Variants in PACS1 observed in about 807,000 individuals in gnomAD.
PACS1 encodes the protein PACS-1.
Under a neutral mutation model 115.0 loss-of-function variants are expected in PACS1, and 24 were observed. The observed-to-expected ratio is 0.21, with a 90% CI of 0.15 to 0.29. The LOEUF is 0.29. Ranked by LOEUF, PACS1 falls within the 10% of genes least tolerant of loss-of-function variation. The pLI is 1.00. For missense variants in PACS1, 838 were observed against 1,251.2 expected (o/e 0.67, Z 4.98); for synonymous variants, 453 against 504.5 (o/e 0.90, Z 1.37).
chr11:66,079,175 C>T (rs755608518), intron 1 of PACS1, among the ~76,000 whole-genome samples: 2 of 152,234 alleles, frequency 1.3e-5, no homozygotes, highest in Admixed American at 6.5e-5. Flanking sequence ...GCGTGAGCCA[C>T]CGCCCAGCCT....
At chr11:66,154,154 G>A (rs1486086546) in intron 1 of PACS1, among the ~76,000 whole-genome samples, 1 of 152,236 alleles carries the variant, frequency 6.6e-6, no homozygotes, top group East Asian at 1.9e-4. Context: ...TCAAAATACT[G>A]AACCAGGTGC....
At chr11:66,080,806 G>A (rs1857464736) in intron 1 of PACS1, among the ~76,000 whole-genome samples, 1 of 152,240 alleles carries the variant, frequency 6.6e-6, no homozygotes, top group Non-Finnish European at 1.5e-5. Context: ...GACAGCGAGA[G>A]GCTGTGTGGT....
chr11:66,092,635 C>T (rs1203240554), intron 1 of PACS1, among the ~76,000 whole-genome samples: 1 of 152,100 alleles, frequency 6.6e-6, no homozygotes, highest in East Asian at 1.9e-4. Context: ...AGGTTTTCTT[C>T]TAAGGTTTTT....
chr11:66,107,849 A>G (rs1208245146), intron 1 of PACS1, among the ~76,000 whole-genome samples: 1 of 152,090 alleles, frequency 6.6e-6, no homozygotes, highest in Non-Finnish European at 1.5e-5. Context: ...ACAGTGTTTC[A>G]CTCTTGGAGC....
chr11:66,197,541 C>A (rs770207521), intron 2 of PACS1, among the ~76,000 whole-genome samples: 4 of 152,118 alleles, frequency 2.6e-5, no homozygotes, highest in Non-Finnish European at 5.9e-5. Context: ...TACCTGTAAT[C>A]CCAGCACTTT....
At chr11:66,229,954 T>TC (rs1430663508) in intron 11 of PACS1, among the ~76,000 whole-genome samples, 3 of 134,580 alleles carry the variant, frequency 2.2e-5, no homozygotes, top group African/African-American at 5.7e-5. Context: ...CGAAAGTCCA[T>TC]CCCAAAAAAA....
At chr11:66,138,770 C>T (rs1469198348) in intron 1 of PACS1, among the ~76,000 whole-genome samples, 2 of 151,890 alleles carry the variant, frequency 1.3e-5, no homozygotes, top group Non-Finnish European at 2.9e-5. Context: ...GCAACCTCCG[C>T]CTCCCGGGTT....
chr11:66,073,575 G>C (rs1052053623), intron 1 of PACS1, among the ~76,000 whole-genome samples: 4 of 152,098 alleles, frequency 2.6e-5, no homozygotes, highest in Non-Finnish European at 2.9e-5. Flanking sequence ...TCCTGTATTA[G>C]ATATTTAAAT....
At chr11:66,112,159 C>G (rs181958519) in intron 1 of PACS1, among the ~76,000 whole-genome samples, 2 of 152,202 alleles carry the variant, frequency 1.3e-5, no homozygotes, top group African/African-American at 4.8e-5. Flanking sequence ...AAATGCAGAT[C>G]TGATTGTTGC....
Position 66,117,568 on chromosome 11 carries a change from C to T in PACS1, c.356+46726C>T, listed in dbSNP as rs368857554. ...GTGATTAAAAGATGTTTGTTATGGCCGGGCGTGGTGGCCCATGCCTGTAAT... is the reference window on the plus strand; with the variant it reads ...GTGATTAAAAGATGTTTGTTATGGCTGGGCGTGGTGGCCCATGCCTGTAAT... On this transcript the variant is annotated intron_variant, in intron 1 of 23. Coordinates refer to ENST00000320580, the MANE Select transcript of PACS1 (RefSeq NM_018026.4). Among the ~76,000 whole-genome samples the T allele has an allele frequency of 6.9e-4, 104 of 151,746 alleles. No homozygotes were observed. The South Asian group carries it at 0.02, about 29-fold the overall frequency.
intron 1 of PACS1, among the ~76,000 whole-genome samples, chr11:66,073,787 T>C (rs1005177106): frequency 1.3e-5 from 2 of 152,126 alleles, no homozygotes; most frequent in African/African-American, 4.8e-5. Context: ...GGAGTCTTGC[T>C]CTGTCATCCA....
chr11:66,098,936 T>C lies in PACS1; in HGVS notation c.356+28094T>C, dbSNP rs548575638. Among the ~76,000 whole-genome samples, 91 of 152,366 alleles carry C rather than the reference T, an allele frequency of 6.0e-4. 2 individuals carry two copies. The South Asian group carries it at 0.019, about 31-fold the overall frequency. ...GGCACATTCTGTTAACCAGCCCTGT[T>C]ACTGCTGTTGTTGGCCCTCATCACC... On this transcript the variant is annotated intron_variant, in intron 1 of 23. Coordinates refer to ENST00000320580, the MANE Select transcript of PACS1 (RefSeq NM_018026.4).
chr11:66,154,502 C>T (rs940018027), intron 1 of PACS1, among the ~76,000 whole-genome samples: 2 of 152,180 alleles, frequency 1.3e-5, no homozygotes, highest in South Asian at 4.1e-4. Context: ...ACAGTAGGAT[C>T]TCACTACTGT....
At chr11:66,153,090 T>C (rs2134611343) in intron 1 of PACS1, among the ~76,000 whole-genome samples, 1 of 152,306 alleles carries the variant, frequency 6.6e-6, no homozygotes, top group East Asian at 1.9e-4. Context: ...AAGACTATGA[T>C]TTTTTTCCTT....
intron 11 of PACS1, among the ~76,000 whole-genome samples, chr11:66,229,634 G>C (rs962496890): frequency 6.6e-6 from 1 of 150,910 alleles, no homozygotes; most frequent in Admixed American, 6.6e-5. Flanking sequence ...AGCCGAGATC[G>C]CGCCACTGCA....
At chr11:66,205,708 GCT>G (rs1431259873) in intron 2 of PACS1, among the ~76,000 whole-genome samples, 3 of 147,568 alleles carry the variant, frequency 2.0e-5, no homozygotes, top group Non-Finnish European at 4.4e-5. Context: ...TGCCCAGGCA[GCT>G]CTTATACTCC....
chr11:66,221,282 C>T (rs866661410), intron 10 of PACS1, 35 bp downstream of exon 10: 1 of 1,570,922 alleles, frequency 6.4e-7, no homozygotes, highest in South Asian at 1.1e-5. Flanking sequence ...CGGGGTGGGA[C>T]CGTGGCATGT....
intron 1 of PACS1, among the ~76,000 whole-genome samples, chr11:66,119,921 A>G (rs1325890586): frequency 6.6e-6 from 1 of 152,118 alleles, no homozygotes; most frequent in African/African-American, 2.4e-5. Context: ...CAGTAGAGAC[A>G]TTGCTGCATG....
At position 66,193,526 on chromosome 11, in the gene PACS1, G is replaced by T; in HGVS notation, c.397G>T (p.Glu133Ter). ...CCTGAAGAAACTCGTCATGCTAAAA[G>T]AAATGGACAAAGATCTTAACTCAGT... Reference protein sequence around the residue: ...LTLKKLVMLKEMDKDLNSVVI... With the variant: ...LTLKKLVMLK The change falls in exon 2 of 24, where the codon GAA (glutamate) becomes TAA (stop). Residue 133 changes from glutamate to a stop codon, truncating the protein, a stop_gained. Coordinates refer to ENST00000320580, the MANE Select transcript of PACS1 (RefSeq NM_018026.4). LOFTEE classifies it high-confidence loss of function. 1 of 1,613,952 alleles carries T rather than the reference G, an allele frequency of 6.2e-7. No homozygotes were observed. Among genetic ancestry groups the T allele is most frequent in the Non-Finnish European group, 8.5e-7 (1 of 1,179,860 alleles).
Sources: allele counts gnomAD v4.1 joint callset (sites outside exome capture counted in the v4.1 genomes callset), GRCh38; gene constraint gnomAD v4.1.1; transcripts MANE v1.5; gene names NCBI Gene and HGNC (gene_info 2026-07-23, HGNC 2026-07-21).